RNASEH2C: variants seen among roughly 807,000 people sequenced by gnomAD.
RNASEH2C encodes RNase H1 small subunit.
In RNASEH2C, 20 loss-of-function variants were observed where a neutral mutation model predicts 16.3. The ratio of observed to expected loss-of-function variants is 1.23; its 90% CI spans 0.86 to 1.79. The LOEUF is 1.79. Ranked by LOEUF, RNASEH2C falls within the 40% of genes most tolerant of loss-of-function variation. The pLI, the probability that RNASEH2C is intolerant of heterozygous loss-of-function variation, is 0.00. For synonymous variants in RNASEH2C, 106 were observed against 98.9 expected (o/e 1.07, Z -0.43); for missense variants, 296 against 235.9 (o/e 1.25, Z -1.67).
At position 65,719,379 on chromosome 11, in the gene RNASEH2C, C is replaced by T; in HGVS notation, c.*404G>A. The T allele has an allele frequency of 1.5e-6, 1 of 658,814 alleles. No homozygotes were observed. The highest frequency in any genetic ancestry group is 2.6e-6 in the Non-Finnish European group (1 of 390,550). 40.8% of individuals were successfully genotyped at this position (658,814 alleles called of 1,614,324 possible). On this transcript the variant is annotated 3_prime_UTR_variant, in exon 4 of 4. Transcript: ENST00000308418. ...TCCGGGCTCAGACCAACTCCAAGGT[C>T]AGCTGGCCACAGGCCCAGGCCTCCT...
chr11:65,718,885 A>G lies in RNASEH2C; in HGVS notation c.*898T>C. 6.2e-7 allele frequency: 1 copy of G among 1,614,162 alleles called. No homozygotes were observed. Among genetic ancestry groups the G allele is most frequent in the Non-Finnish European group, 8.5e-7 (1 of 1,180,026 alleles). On this transcript the variant is annotated 3_prime_UTR_variant, in exon 4 of 4. Transcript: ENST00000308418. ...TGCTCTCCCACAGTGAGATTAGTGA[A>G]ATCACCAGCATCAAGAAGGAGGATG...
At position 65,719,269 on chromosome 11, in the gene RNASEH2C, T is replaced by A; in HGVS notation, c.*514A>T. ...CCCCACTGCAGCTCCCACAAAGCAC[T>A]CTAAGGGAGATGGGGCTGAGGACAG... On this transcript the variant is annotated 3_prime_UTR_variant, in exon 4 of 4. Transcript: ENST00000308418. 1 of 1,476,286 alleles carries A rather than the reference T, an allele frequency of 6.8e-7. No individual in the cohort carries two copies. Among genetic ancestry groups the A allele is most frequent in the Non-Finnish European group, 9.2e-7 (1 of 1,082,320 alleles). The allele number at this position is 1,476,286 out of a possible 1,614,324, so 91.4% of individuals were successfully genotyped here. A position where few individuals can be genotyped will look rare whatever the true frequency, so the allele number is the denominator to read the frequency against.
intron 3 of RNASEH2C, 99 bp downstream of exon 3, chr11:65,719,946 C>T: frequency 6.2e-7 from 1 of 1,606,842 alleles, no homozygotes. Context: ...AGCTACGCTT[C>T]CCACACACTA....
In RNASEH2C at chr11:65,719,135, G is replaced by A. The variant is rs758749497; in HGVS notation, c.*648C>T. ...CGGCTCCTGCGGATCGACTCCAAGT[G>A]TCTGCACTTCACTCCCAAGGACTGG... On this transcript the variant is annotated 3_prime_UTR_variant, in exon 4 of 4. Transcript: ENST00000308418. The A allele has an allele frequency of 5.6e-6, 9 of 1,614,212 alleles. 1 individual carries two copies. In the South Asian group the frequency reaches 8.8e-5, roughly 16 times the overall value.
Position 65,719,137 on chromosome 11 carries a change from C to G in RNASEH2C, c.*646G>C, listed in dbSNP as rs537738482. 1.2e-6 allele frequency: 2 copies of G among 1,614,214 alleles called. No homozygotes were observed. Among genetic ancestry groups the G allele is most frequent in the African/African-American group, 2.7e-5 (2 of 75,064 alleles). On this transcript the variant is annotated 3_prime_UTR_variant, in exon 4 of 4. Coordinates refer to ENST00000308418, the MANE Select transcript of RNASEH2C (RefSeq NM_032193.4). Reference sequence around the variant, plus strand: ...GCTCCTGCGGATCGACTCCAAGTGTCTGCACTTCACTCCCAAGGACTGGAG... The same window carrying G: ...GCTCCTGCGGATCGACTCCAAGTGTGTGCACTTCACTCCCAAGGACTGGAG...
At position 65,718,721 on chromosome 11, in the gene RNASEH2C, A is replaced by T. The variant is rs780551642; in HGVS notation, c.*1062T>A. 6.2e-7 allele frequency: 1 copy of T among 1,614,054 alleles called. No homozygotes were observed. The highest frequency in any genetic ancestry group is 2.2e-5 in the East Asian group (1 of 44,874). ...GATCCTGATGGGGCTGAAGTCGGAG[A>T]GCGGGGAGAGGCCACAGATCACCAT... On this transcript the variant is annotated 3_prime_UTR_variant, in exon 4 of 4. Coordinates refer to ENST00000308418, the MANE Select transcript of RNASEH2C (RefSeq NM_032193.4).
At position 65,720,493 on chromosome 11, in the gene RNASEH2C, C is replaced by G. The variant is rs770602332; in HGVS notation, c.173-76G>C. The G allele has an allele frequency of 8.8e-6, 14 of 1,587,338 alleles. No homozygotes were observed. The South Asian group carries it at 1.6e-4, about 18-fold the overall frequency. ...CCCGGAGCTGCCCTCCCGCCACCTCCGGACGGACCACGATCCCCAGGAGCC... is the reference window on the plus strand; with the variant it reads ...CCCGGAGCTGCCCTCCCGCCACCTCGGGACGGACCACGATCCCCAGGAGCC... On this transcript the variant is annotated intron_variant, in intron 1 of 3. Transcript: ENST00000308418.
Position 65,719,077 on chromosome 11 carries a change from A to T in RNASEH2C, c.*706T>A, listed in dbSNP as rs886048493. The T allele has an allele frequency of 2.5e-6, 4 of 1,614,144 alleles. No homozygotes were observed. The highest frequency in any genetic ancestry group is 3.4e-6 in the Non-Finnish European group (4 of 1,179,988). ...GTACATCCTCACACTGTCAGAGGAC[A>T]TCGTGGATGGCCATGAGCGGGCCAT... On this transcript the variant is annotated 3_prime_UTR_variant, in exon 4 of 4. Coordinates refer to ENST00000308418, the MANE Select transcript of RNASEH2C (RefSeq NM_032193.4).
Position 65,718,935 on chromosome 11 carries a change from A to C in RNASEH2C, c.*848T>G. Reference sequence around the variant, plus strand: ...GTCATCTCCACTCTGCAGTACCTCAATCTCATCAACTACTACAAGGTAGGG... The same window carrying C: ...GTCATCTCCACTCTGCAGTACCTCACTCTCATCAACTACTACAAGGTAGGG... On this transcript the variant is annotated 3_prime_UTR_variant, in exon 4 of 4. Coordinates refer to ENST00000308418, the MANE Select transcript of RNASEH2C (RefSeq NM_032193.4). 1 of 1,614,184 alleles carries C rather than the reference A, an allele frequency of 6.2e-7. No homozygotes were observed. The highest frequency in any genetic ancestry group is 1.3e-5 in the African/African-American group (1 of 75,052).
In RNASEH2C at chr11:65,719,343, C is replaced by G. The variant is rs544558074; in HGVS notation, c.*440G>C. ...GGCAGGGGCCCACTGGTGCCCAGCA[C>G]CAAGGCGAGCTCCGGGCTCAGACCA... On this transcript the variant is annotated 3_prime_UTR_variant, in exon 4 of 4. Coordinates refer to ENST00000308418, the MANE Select transcript of RNASEH2C (RefSeq NM_032193.4). 323 of 877,978 alleles carry G rather than the reference C, an allele frequency of 3.7e-4. No homozygotes were observed. Among genetic ancestry groups the G allele is most frequent in the Non-Finnish European group, 5.1e-4 (303 of 589,256 alleles). The allele number at this position is 877,978 out of a possible 1,614,324, so 54.4% of individuals were successfully genotyped here. A position where few individuals can be genotyped will look rare whatever the true frequency, so the allele number is the denominator to read the frequency against.
rs1449284853 is a variant in RNASEH2C at position 65,717,899 on chromosome 11, G to A, written c.*1884C>T. The A allele has an allele frequency of 1.3e-5, 2 of 152,550 alleles. No individual in the cohort carries two copies. The highest frequency in any genetic ancestry group is 2.9e-5 in the Non-Finnish European group (2 of 68,336). The allele number at this position is 152,550 out of a possible 1,614,324, so 9.4% of individuals were successfully genotyped here. Reference sequence around the variant, plus strand: ...CAAACATCCCAGGTCCCTGACTGGGGAGAATGAAGACACTGACCAAGAGAT... The same window carrying A: ...CAAACATCCCAGGTCCCTGACTGGGAAGAATGAAGACACTGACCAAGAGAT... On this transcript the variant is annotated 3_prime_UTR_variant, in exon 4 of 4. Coordinates refer to ENST00000308418, the MANE Select transcript of RNASEH2C (RefSeq NM_032193.4).
chr11:65,719,369 A>C lies in RNASEH2C; in HGVS notation c.*414T>G. 2.8e-6 allele frequency: 2 copies of C among 706,324 alleles called. No homozygotes were observed. Among genetic ancestry groups the C allele is most frequent in the Non-Finnish European group, 4.6e-6 (2 of 433,948 alleles). 43.8% of individuals were successfully genotyped at this position (706,324 alleles called of 1,614,324 possible). A position where few individuals can be genotyped will look rare whatever the true frequency, so the allele number is the denominator to read the frequency against. On this transcript the variant is annotated 3_prime_UTR_variant, in exon 4 of 4. Transcript: ENST00000308418. Reference sequence around the variant, plus strand: ...CAAGGCGAGCTCCGGGCTCAGACCAACTCCAAGGTCAGCTGGCCACAGGCC... The same window carrying C: ...CAAGGCGAGCTCCGGGCTCAGACCACCTCCAAGGTCAGCTGGCCACAGGCC...
In RNASEH2C at chr11:65,719,669, G is replaced by T. The variant is rs1312962207; in HGVS notation, c.*114C>A. 18 of 1,148,076 alleles carry T rather than the reference G, an allele frequency of 1.6e-5. No individual in the cohort carries two copies. The Admixed American group carries it at 3.1e-4, about 20-fold the overall frequency. 71.1% of individuals were successfully genotyped at this position (1,148,076 alleles called of 1,614,324 possible). A position where few individuals can be genotyped will look rare whatever the true frequency, so the allele number is the denominator to read the frequency against. Reference sequence around the variant, plus strand: ...CATGCTGGCTTAGGGGCTCTAAGGCGCCCAGACTCACAGGTGCTGTGAAGA... The same window carrying T: ...CATGCTGGCTTAGGGGCTCTAAGGCTCCCAGACTCACAGGTGCTGTGAAGA... On this transcript the variant is annotated 3_prime_UTR_variant, in exon 4 of 4. Coordinates refer to ENST00000308418, the MANE Select transcript of RNASEH2C (RefSeq NM_032193.4).
intron 3 of RNASEH2C, 115 bp from the exon 4 acceptor site, chr11:65,719,924 G>A (rs754970718): frequency 6.2e-7 from 1 of 1,602,610 alleles, no homozygotes; most frequent in Admixed American, 1.7e-5. Context: ...ATGCTAGGAA[G>A]AGTGGTCAGG....
In RNASEH2C at chr11:65,719,819, G is replaced by A. The variant is rs1857335942; in HGVS notation, c.469-10C>T. 3 of 1,613,992 alleles carry A rather than the reference G, an allele frequency of 1.9e-6. No individual in the cohort carries two copies. Among genetic ancestry groups the A allele is most frequent in the East Asian group, 2.2e-5 (1 of 44,878 alleles). On this transcript the variant is annotated splice_polypyrimidine_tract_variant and intron_variant, in intron 3 of 3. Coordinates refer to ENST00000308418, the MANE Select transcript of RNASEH2C (RefSeq NM_032193.4). ...GCACCTGTGCGTGAATCTGCAACAGGAGTCGCCTCTACTGTTGGACTTGTA... is the reference window on the plus strand; with the variant it reads ...GCACCTGTGCGTGAATCTGCAACAGAAGTCGCCTCTACTGTTGGACTTGTA...
chr11:65,720,109 TC>T lies in RNASEH2C; in HGVS notation c.403del (p.Glu135ArgfsTer14). The stretch of plus-strand genomic sequence containing the variant: ...TTTGGCATCCGGGCCAGGGATGGTC[TC>T]CAGACCCCACAGGGTGAAGCGGCTG... Reference protein sequence around the residue: ...NFSRFTLWGLETIPGPDAKVR... With the variant: ...NFSRFTLWGLXTIPGPDAKVR... On this transcript the variant is annotated frameshift_variant, in exon 3 of 4. Transcript: ENST00000308418. LOFTEE classifies it high-confidence loss of function. The T allele has an allele frequency of 1.2e-6, 2 of 1,614,156 alleles. No homozygotes were observed. The highest frequency in any genetic ancestry group is 1.6e-4 in the Middle Eastern group (1 of 6,062).
Position 65,718,237 on chromosome 11 carries a change from C to T in RNASEH2C, c.*1546G>A. On this transcript the variant is annotated 3_prime_UTR_variant, in exon 4 of 4. Transcript: ENST00000308418. ...AATCTGTCTCCACTTCCTTACATGG[C>T]TAGACACAGAGCCCGGGATGGCAAA... 4.6e-6 allele frequency: 1 copy of T among 215,120 alleles called. No homozygotes were observed. The highest frequency in any genetic ancestry group is 9.0e-5 in the South Asian group (1 of 11,090). The allele number at this position is 215,120 out of a possible 1,614,324, so 13.3% of individuals were successfully genotyped here. A position where few individuals can be genotyped will look rare whatever the true frequency, so the allele number is the denominator to read the frequency against.
At position 65,719,794 on chromosome 11, in the gene RNASEH2C, G is replaced by A. The variant is rs751182876; in HGVS notation, c.484C>T (p.Pro162Ser). 1.2e-6 allele frequency: 2 copies of A among 1,614,142 alleles called. No homozygotes were observed. Among genetic ancestry groups the A allele is most frequent in the Admixed American group, 1.7e-5 (1 of 60,018 alleles). The stretch of plus-strand genomic sequence containing the variant: ...TCAAGCTCTGGTTCTCAGTCCTCGG[G>A]CACCTGTGCGTGAATCTGCAACAGG... ...SLAAAIHAQV[P>S]ED Residue 162 changes from proline (P) to serine (S), a missense_variant, in exon 4 of 4, where the codon CCC becomes TCC. Transcript: ENST00000308418.
At position 65,720,160 on chromosome 11, in the gene RNASEH2C, C is replaced by T; in HGVS notation, c.353G>A (p.Arg118His). The T allele has an allele frequency of 6.2e-7, 1 of 1,614,236 alleles. No individual in the cohort carries two copies. Among genetic ancestry groups the T allele is most frequent in the South Asian group, 1.1e-5 (1 of 91,086 alleles). ...EEEPLERDFDRFIGATANFSR... is the reference protein window; with the variant it reads ...EEEPLERDFDHFIGATANFSR... ...GAAGTTGGCAGTGGCTCCAATGAAG[C>T]GGTCCTGGGGAAGGGGCCTGGCTCA... Residue 118 changes from arginine to histidine, a missense_variant, in exon 3 of 4, where the codon CGC (arginine) becomes CAC (histidine). Arg to His is a conservative substitution (Grantham distance 29). Coordinates refer to ENST00000308418, the MANE Select transcript of RNASEH2C (RefSeq NM_032193.4).
Sources: gnomAD v4.1 joint callset for allele counts on GRCh38, gnomAD v4.1.1 for gene constraint, MANE v1.5 for transcripts, NCBI Gene and HGNC (gene_info 2026-07-23, HGNC 2026-07-21) for gene names.